Variants in PPIL4 observed in about 807,000 individuals in gnomAD.
PPIL4 encodes the protein peptidylprolyl isomerase like 4, also known as peptidyl-prolyl cis-trans isomerase-like 4.
PPIL4 carries 50 observed loss-of-function variants against 69.1 expected under a neutral mutation model. The ratio of observed to expected loss-of-function variants is 0.72; its 90% confidence interval spans 0.58 to 0.92. PPIL4 has a LOEUF of 0.92. Ranked by LOEUF, PPIL4 falls within the 40% of genes least tolerant of loss-of-function variation. The probability of loss-of-function intolerance (pLI) is 0.00; values close to 1 mark genes in which losing one functional copy is unlikely to be tolerated. For missense variants in PPIL4, 480 were observed against 587.9 expected (o/e 0.82, Z 1.90); for synonymous variants, 193 against 191.6 (o/e 1.01, Z -0.06).
chr6:149,538,096 T>C (rs892137105), intron 4 of PPIL4, among the ~76,000 whole-genome samples: 2 of 151,818 alleles, frequency 1.3e-5, no homozygotes, highest in Admixed American at 6.6e-5. Context: ...GAAACCCCAT[T>C]TCTACTATAA....
rs1397477102 is a variant in PPIL4, at chr6:149,533,642, T to C, written c.562-68A>G. ...AAAAATCTGAGAAACATAGAAGACA[T>C]ACTTTATTCTTAGTTATATCAAACA... On this transcript the variant is annotated intron_variant, in intron 6 of 12. Coordinates refer to ENST00000253329, the MANE Select transcript of PPIL4 (RefSeq NM_139126.4). 8.0e-6 allele frequency: 7 copies of C among 869,602 alleles called. No individual in the cohort carries two copies. In the East Asian group the frequency reaches 1.9e-4, roughly 23 times the overall value. 53.9% of individuals were successfully genotyped at this position (869,602 alleles called of 1,614,324 possible).
Position 149,504,887 on chromosome 6 carries a change from A to G in PPIL4, c.*566T>C, listed in dbSNP as rs983586749. 3 of 152,390 alleles carry G rather than the reference A, an allele frequency of 2.0e-5. No homozygotes were observed. The highest frequency in any genetic ancestry group is 4.8e-5 in the African/African-American group (2 of 41,468). The allele number at this position is 152,390 out of a possible 1,614,324, so 9.4% of individuals were successfully genotyped here. On this transcript the variant is annotated 3_prime_UTR_variant, in exon 13 of 13. Coordinates refer to ENST00000253329, the MANE Select transcript of PPIL4 (RefSeq NM_139126.4). ...ATAAGTTGTAGTATATTTATATAATACTATATAGCAATAAAAATGAAAGAA... is the reference window on the plus strand; with the variant it reads ...ATAAGTTGTAGTATATTTATATAATGCTATATAGCAATAAAAATGAAAGAA...
At position 149,505,490 on chromosome 6, in the gene PPIL4, T is replaced by C; in HGVS notation, c.1442A>G (p.Lys481Arg). Residue 481 changes from lysine to arginine, a missense_variant, in exon 13 of 13, where the codon AAG becomes AGG. Physicochemically the swap from Lys to Arg is conservative, Grantham distance 26. Transcript: ENST00000253329. ...AGATTTTTCTTTATCTTTGGACTTC[T>C]TTGGACTTCTGCTTCGGTCTCTCTT... ...SKKRDRSRSP[K>R]KSKDKEKSKY... The C allele has an allele frequency of 6.2e-7, 1 of 1,613,934 alleles. No individual in the cohort carries two copies. Among genetic ancestry groups the C allele is most frequent in the Non-Finnish European group, 8.5e-7 (1 of 1,179,952 alleles).
intron 1 of PPIL4, among the ~76,000 whole-genome samples, chr6:149,542,204 T>A (rs1394648482): frequency 2.0e-5 from 3 of 152,090 alleles, no homozygotes; most frequent in Non-Finnish European, 4.4e-5. Context: ...AAGAGCATAT[T>A]GTAGTAGAAA....
In PPIL4 at chr6:149,541,536, G is replaced by T; in HGVS notation, c.121C>A (p.Leu41Ile). ...LCKIKYYNYC[L>I]IHNVQRDFII... ...CAACTCACCTGTACATTGTGAATAA[G>T]GCAATAATTGTAATATTTTATTTTG... is the stretch of plus-strand genomic sequence containing the variant. Residue 41 changes from leucine to isoleucine, a missense_variant, in exon 2 of 13, where the codon CTT becomes ATT. By Grantham distance (5) the Leu-to-Ile change is conservative (BLOSUM62 2). Coordinates refer to ENST00000253329, the MANE Select transcript of PPIL4 (RefSeq NM_139126.4). 1 of 1,585,636 alleles carries T rather than the reference G, an allele frequency of 6.3e-7. No homozygotes were observed. The highest frequency in any genetic ancestry group is 8.7e-7 in the Non-Finnish European group (1 of 1,155,534).
chr6:149,512,749 A>C (rs57086181), intron 11 of PPIL4, among the ~76,000 whole-genome samples: 4,976 of 151,732 alleles, frequency 0.033, 286 homozygotes, highest in African/African-American at 0.11. Flanking sequence ...AATTCTTCTT[A>C]TTATTTTTTT....
At chr6:149,519,614 C>T (rs1329250102) in intron 10 of PPIL4, among the ~76,000 whole-genome samples, 2 of 152,182 alleles carry the variant, frequency 1.3e-5, no homozygotes, top group African/African-American at 4.8e-5. Context: ...CAATCCAAGT[C>T]ACCCTCTCCT....
intron 11 of PPIL4, among the ~76,000 whole-genome samples, chr6:149,515,434 T>G (rs1174018741): frequency 2.0e-5 from 3 of 152,254 alleles, no homozygotes; most frequent in Non-Finnish European, 4.4e-5. Flanking sequence ...ACAGCTTTAA[T>G]GCCACTTTTT....
At chr6:149,535,837 C>A (rs1466848618) in intron 4 of PPIL4, 99 bp from the exon 5 acceptor site, 2 of 773,160 alleles carry the variant, frequency 2.6e-6, no homozygotes, top group Non-Finnish European at 4.0e-6. Context: ...AGTTAAGAGT[C>A]CACATTTACT....
chr6:149,529,206 T>A (rs1191536472), intron 7 of PPIL4, among the ~76,000 whole-genome samples: 1 of 150,326 alleles, frequency 6.7e-6, no homozygotes, highest in African/African-American at 2.5e-5. Context: ...CCAGCCTGAG[T>A]GAAAGAGTGA....
In PPIL4 at chr6:149,545,920, G is replaced by A; in HGVS notation, c.70+16C>T. 1.3e-6 allele frequency: 2 copies of A among 1,574,848 alleles called. No homozygotes were observed. The highest frequency in any genetic ancestry group is 1.7e-6 in the Non-Finnish European group (2 of 1,157,878). On this transcript the variant is annotated intron_variant, in intron 1 of 12. Transcript: ENST00000253329. ...TCGGGGGCCCCGGCGACAGGTGAGT[G>A]GGGCTCAAGCCTCACCACGCGGCCG...
chr6:149,541,998 A>T (rs1469760977), intron 1 of PPIL4, among the ~76,000 whole-genome samples: 3 of 152,082 alleles, frequency 2.0e-5, no homozygotes, highest in Admixed American at 6.6e-5. Flanking sequence ...TGGGCAATAG[A>T]GCAAGACTCT....
At chr6:149,529,453 AAAAAAAAATT>A (rs566155569) in intron 7 of PPIL4, among the ~76,000 whole-genome samples, 105 of 150,710 alleles carry the variant, frequency 7.0e-4, no homozygotes, top group South Asian at 1.9e-3. Flanking sequence ...TGTCTCAAAT[AAAAAAAAATT>A]AAAAAAAATT....
intron 4 of PPIL4, among the ~76,000 whole-genome samples, chr6:149,540,595 G>A (rs1007338082): frequency 5.9e-5 from 9 of 152,152 alleles, no homozygotes; most frequent in Non-Finnish European, 1.3e-4. Context: ...CAGTCTGGGA[G>A]ACAGAGTGAG....
chr6:149,514,030 A>G (rs1776901160), intron 11 of PPIL4, among the ~76,000 whole-genome samples: 1 of 152,222 alleles, frequency 6.6e-6, no homozygotes, highest in Non-Finnish European at 1.5e-5. Context: ...CCTCAGGACT[A>G]GAGGCTCGTG....
intron 12 of PPIL4, among the ~76,000 whole-genome samples, chr6:149,509,749 A>G (rs2115026388): frequency 6.6e-6 from 1 of 152,258 alleles, no homozygotes; most frequent in East Asian, 1.9e-4. Context: ...AGTATGTTTC[A>G]AGTTAAGAGT....
chr6:149,540,265 A>C (rs1188614546), intron 4 of PPIL4, among the ~76,000 whole-genome samples: 2 of 152,218 alleles, frequency 1.3e-5, no homozygotes, highest in South Asian at 4.1e-4. Context: ...TCATTGGGAG[A>C]ATTAAACAAG....
chr6:149,519,496 G>T (rs1280652196), intron 10 of PPIL4, among the ~76,000 whole-genome samples: 1 of 152,146 alleles, frequency 6.6e-6, no homozygotes, highest in Non-Finnish European at 1.5e-5. Flanking sequence ...AAATCTTAGT[G>T]CTTCAATTTA....
chr6:149,518,934 T>TA (rs1416331729), intron 10 of PPIL4, among the ~76,000 whole-genome samples: 1 of 152,232 alleles, frequency 6.6e-6, no homozygotes, highest in Non-Finnish European at 1.5e-5. Context: ...GGAAAGTTCT[T>TA]AGTGCTGTGA....
Sources: gnomAD v4.1 joint callset for allele counts (sites outside exome capture counted in the v4.1 genomes callset) on GRCh38, gnomAD v4.1.1 for gene constraint, MANE v1.5 for transcripts, NCBI Gene and HGNC (gene_info 2026-07-23, HGNC 2026-07-21) for gene names.